MAGI3: variants seen among roughly 807,000 people sequenced by gnomAD.
MAGI3 encodes membrane-associated guanylate kinase, WW and PDZ domain-containing protein 3.
In MAGI3, 43 loss-of-function variants were observed where a neutral mutation model predicts 121.8. The observed-to-expected ratio is 0.35, with a 90% CI of 0.28 to 0.46. The LOEUF is 0.46. Ranked by LOEUF, MAGI3 falls within the 20% of genes least tolerant of loss-of-function variation. MAGI3 has a pLI of 1.00. For missense variants in MAGI3, 1,547 were observed against 1,797.3 expected, an observed-to-expected ratio of 0.86 and a Z score of 2.52; for synonymous variants, 553 against 639.3, an observed-to-expected ratio of 0.86 and a Z score of 2.04.
In MAGI3 at chr1:113,391,271, A is replaced by G. The variant is rs1650792111; in HGVS notation, c.238A>G (p.Ser80Gly). The G allele has an allele frequency of 4.4e-6, 7 of 1,588,224 alleles. No homozygotes were observed. The highest frequency in any genetic ancestry group is 1.3e-5 in the African/African-American group (1 of 74,148). Residue 80 changes from serine (S) to glycine (G), a missense_variant, in exon 1 of 21, where the codon AGC becomes GGC. Coordinates refer to ENST00000307546, the MANE Select transcript of MAGI3 (RefSeq NM_001142782.2). This position sits in a 1 kb window ranked among gnomAD's most constrained non-coding sequence, Gnocchi z 4.4. ...GCTGGAGGTAAACGGGACGCCTGTC[A>G]GCGGGCTCACCAACCGGGACACCCT... The part of the protein sequence containing the change: ...VLLEVNGTPV[S>G]GLTNRDTLAV...
intron 1 of MAGI3, among the ~76,000 whole-genome samples, chr1:113,449,378 T>TGC (rs1019483983): frequency 6.6e-6 from 1 of 151,670 alleles, no homozygotes; most frequent in Non-Finnish European, 1.5e-5. Context: ...TGTGTGTGTG[T>TGC]GTGTGTGTGT....
chr1:113,557,581 G>C (rs1183677860), intron 2 of MAGI3, among the ~76,000 whole-genome samples: 1 of 152,212 alleles, frequency 6.6e-6, no homozygotes. Context: ...TTCTCCCTGG[G>C]ACAGAGTGCC....
At chr1:113,430,663 A>G (rs191555305) in intron 1 of MAGI3, among the ~76,000 whole-genome samples, 8 of 152,304 alleles carry the variant, frequency 5.3e-5, no homozygotes, top group African/African-American at 1.9e-4. Context: ...TTCGTACTAG[A>G]TCAGTTATCT....
intron 7 of MAGI3, among the ~76,000 whole-genome samples, chr1:113,615,221 T>A (rs771925941): frequency 6.6e-6 from 1 of 152,170 alleles, no homozygotes; most frequent in Non-Finnish European, 1.5e-5. Flanking sequence ...GACACCTGCC[T>A]ATGTTAGCCA....
At chr1:113,641,072 AAT>A (rs1419025758) in intron 9 of MAGI3, among the ~76,000 whole-genome samples, 1 of 95,290 alleles carries the variant, frequency 1.0e-5, no homozygotes, top group Admixed American at 1.3e-4. Flanking sequence ...TGATATATAT[AAT>A]ATATATGAGA....
At chr1:113,610,119 G>A (rs1272081533) in intron 6 of MAGI3, among the ~76,000 whole-genome samples, 2 of 151,710 alleles carry the variant, frequency 1.3e-5, no homozygotes, top group Non-Finnish European at 1.5e-5. Context: ...TTTACAAAGC[G>A]TTTTTTTGTT....
chr1:113,613,341 A>G (rs959187069), intron 6 of MAGI3, among the ~76,000 whole-genome samples: 1 of 152,152 alleles, frequency 6.6e-6, no homozygotes, highest in Non-Finnish European at 1.5e-5. Flanking sequence ...ACCACCAATC[A>G]ATATATATGC....
chr1:113,456,382 A>G (rs1172856632), intron 1 of MAGI3, among the ~76,000 whole-genome samples: 1 of 152,266 alleles, frequency 6.6e-6, no homozygotes, highest in South Asian at 2.1e-4. Context: ...CTAGGAAATA[A>G]TTTTCTATAT....
At position 113,659,279 on chromosome 1, in the gene MAGI3, A is replaced by G; in HGVS notation, c.2815+14A>G. ...TTGCTGAAGAAGGTAAGGAGCCAGT[A>G]GACGCGCCTGCCCCAAGCTGATCTG... On this transcript the variant is annotated intron_variant, in intron 16 of 20. Transcript: ENST00000307546. 6.2e-7 allele frequency: 1 copy of G among 1,611,838 alleles called. No homozygotes were observed. The highest frequency in any genetic ancestry group is 1.1e-5 in the South Asian group (1 of 90,552).
chr1:113,417,427 T>G (rs1220326372), intron 1 of MAGI3, among the ~76,000 whole-genome samples: 3 of 152,150 alleles, frequency 2.0e-5, no homozygotes, highest in Admixed American at 2.0e-4. Context: ...TAATTTTTAT[T>G]TTCAGAGACA....
intron 1 of MAGI3, among the ~76,000 whole-genome samples, chr1:113,454,566 A>G (rs1198030691): frequency 6.6e-6 from 1 of 152,136 alleles, no homozygotes; most frequent in Non-Finnish European, 1.5e-5. Flanking sequence ...TTACATAGGT[A>G]TATACATGTC....
chr1:113,480,212 T>C (rs1188863906), intron 1 of MAGI3, among the ~76,000 whole-genome samples: 9 of 152,346 alleles, frequency 5.9e-5, no homozygotes, highest in African/African-American at 1.7e-4. Context: ...TTTGAAGAAG[T>C]AGGCACCTCT....
At chr1:113,424,744 A>G (rs1251875757) in intron 1 of MAGI3, among the ~76,000 whole-genome samples, 1 of 152,236 alleles carries the variant, frequency 6.6e-6, no homozygotes, top group Non-Finnish European at 1.5e-5. Context: ...CATTCATATA[A>G]AGGTTTTAAT....
chr1:113,511,761 T>C lies in MAGI3; in HGVS notation c.317-37754T>C, dbSNP rs932295774. ...TATTGGGTAGTTACAAATGACTAGA[T>C]AAATAGTAGTTCCATAAAATTTAAT... On this transcript the variant is annotated intron_variant, in intron 1 of 20. Transcript: ENST00000307546. 3.3e-5 allele frequency among the ~76,000 whole-genome samples: 5 copies of C among 152,252 alleles called. No homozygotes were observed. In the East Asian group the frequency reaches 9.6e-4, roughly 29 times the overall value.
At chr1:113,682,790 C>T in intron 20 of MAGI3, 107 bp from the exon 21 acceptor site, 1 of 1,444,972 alleles carries the variant, frequency 6.9e-7, no homozygotes, top group Non-Finnish European at 9.1e-7. Flanking sequence ...AATACTCAGG[C>T]TTTTTAAGCA....
chr1:113,680,199 C>T lies in MAGI3; in HGVS notation c.3190-999C>T, dbSNP rs183985612. Among the ~76,000 whole-genome samples the T allele has an allele frequency of 1.4e-4, 22 of 152,224 alleles. 1 individual carries two copies. Among genetic ancestry groups the T allele is most frequent in the Admixed American group, 1.4e-3 (22 of 15,298 alleles). On this transcript the variant is annotated intron_variant, in intron 19 of 20. Coordinates refer to ENST00000307546, the MANE Select transcript of MAGI3 (RefSeq NM_001142782.2). ...GGAATGAGCAGTTCTCCCTGGAGGCCAGGAAAGGCTTCAAAGATAAGAGCC... is the reference window on the plus strand; with the variant it reads ...GGAATGAGCAGTTCTCCCTGGAGGCTAGGAAAGGCTTCAAAGATAAGAGCC...
At position 113,622,889 on chromosome 1, in the gene MAGI3, G is replaced by A; in HGVS notation, c.1255G>A (p.Gly419Arg). 6.2e-7 allele frequency: 1 copy of A among 1,603,360 alleles called. No homozygotes were observed. Among genetic ancestry groups the A allele is most frequent in the Non-Finnish European group, 8.5e-7 (1 of 1,176,132 alleles). ...VRASLKKSTM[G>R]FGFTIIGGDR... ...AGCATCACTGAAAAAAAGCACAATG[G>A]GATTTGGTTTTACTATTATTGGTGG... Residue 419 changes from glycine to arginine, a missense_variant, in exon 9 of 21, where the codon GGA (glycine) becomes AGA (arginine). Coordinates refer to ENST00000307546, the MANE Select transcript of MAGI3 (RefSeq NM_001142782.2).
At chr1:113,621,112 A>C (rs1313295670) in intron 8 of MAGI3, among the ~76,000 whole-genome samples, 1 of 152,186 alleles carries the variant, frequency 6.6e-6, no homozygotes, top group African/African-American at 2.4e-5. Flanking sequence ...AAAAGTCAGG[A>C]AAAGTTAAAG....
intron 1 of MAGI3, among the ~76,000 whole-genome samples, chr1:113,470,971 C>G (rs1009348989): frequency 3.3e-5 from 5 of 152,148 alleles, no homozygotes; most frequent in African/African-American, 1.2e-4. Context: ...CTTTGAGCAT[C>G]ATATCCAAAA....
Sources: gnomAD v4.1 joint callset for allele counts (sites outside exome capture counted in the v4.1 genomes callset) on GRCh38, gnomAD v4.1.1 for gene constraint, Gnocchi (gnomAD v3.1) non-coding constraint, MANE v1.5 for transcripts, NCBI Gene and HGNC (gene_info 2026-07-23, HGNC 2026-07-21) for gene names.